DHRS12: variants seen among roughly 807,000 people sequenced by gnomAD.
DHRS12 encodes the protein dehydrogenase/reductase 12.
Under a neutral mutation model 32.1 loss-of-function variants are expected in DHRS12, and 29 were observed. The observed-to-expected ratio is 0.90, with a 90% CI of 0.67 to 1.23. The LOEUF (loss-of-function observed/expected upper bound fraction) is 1.23. DHRS12 is among the 50% of genes most tolerant of loss of function. DHRS12 has a pLI of 0.00. For synonymous variants in DHRS12, 150 were observed against 135.9 expected (o/e 1.10, Z -0.72); for missense variants, 330 against 337.2 (o/e 0.98, Z 0.17).
At chr13:51,771,644 G>T in intron 7 of DHRS12, 177 bp downstream of exon 7, 1 of 1,409,726 alleles carries the variant, frequency 7.1e-7, no homozygotes, top group Non-Finnish European at 9.7e-7. Context: ...CTCTGTGTCT[G>T]TATGAGGCTT....
Position 51,782,831 on chromosome 13 carries a change from C to T in DHRS12, c.302-5710G>A, listed in dbSNP as rs1028939700. Among the ~76,000 whole-genome samples, 1 of 152,188 alleles carries T rather than the reference C, an allele frequency of 6.6e-6. No individual in the cohort carries two copies. Among genetic ancestry groups the T allele is most frequent in the African/African-American group, 2.4e-5 (1 of 41,450 alleles). ...TTGGGATTGTGTTTCTAAAACTCCT[C>T]AAATGAATGTTTGTTACCAGCACAC... On this transcript the variant is annotated intron_variant, in intron 4 of 8. Coordinates refer to ENST00000444610, the MANE Select transcript of DHRS12 (RefSeq NM_001377533.1). The surrounding 1 kb of genome is among the most constrained non-coding windows in gnomAD (Gnocchi z 4.2).
the DHRS12 span, chr13:51,756,299 G>A: frequency 3.1e-5 from 49 of 1,596,468 alleles, no homozygotes; most frequent in Non-Finnish European, 3.8e-5. Context: ...TGAGGGAGCC[G>A]TGATGAGTAT....
chr13:51,764,221 A>C (rs1467677441), downstream of DHRS12: 1 of 152,214 alleles, frequency 6.6e-6, no homozygotes, highest in Non-Finnish European at 1.5e-5. Flanking sequence ...CTGGCAGTGC[A>C]AGGTGTCTGA....
chr13:51,787,480 G>A (rs2139217209), intron 4 of DHRS12, among the ~76,000 whole-genome samples: 1 of 151,730 alleles, frequency 6.6e-6, no homozygotes, highest in Non-Finnish European at 1.5e-5. Context: ...GATGGGGTGA[G>A]GGAGGACATG....
chr13:51,780,818 T>A (rs1954669972), intron 4 of DHRS12, among the ~76,000 whole-genome samples: 1 of 152,220 alleles, frequency 6.6e-6, no homozygotes, highest in African/African-American at 2.4e-5. Context: ...AAATTATATA[T>A]CTTGAGTATG....
At chr13:51,789,719 T>A in intron 4 of DHRS12, 1 of 985,424 alleles carries the variant, frequency 1.0e-6, no homozygotes, top group Non-Finnish European at 1.2e-6. Context: ...ACTCAACACT[T>A]AAGCTGAACT....
chr13:51,780,438 A>G (rs1392006498), intron 4 of DHRS12, among the ~76,000 whole-genome samples: 1 of 152,214 alleles, frequency 6.6e-6, no homozygotes, highest in Non-Finnish European at 1.5e-5. Context: ...AGGCACCTTC[A>G]GCTACTGGAA....
Position 51,782,197 on chromosome 13 carries a change from T to C in DHRS12, c.302-5076A>G, listed in dbSNP as rs546016420. Among the ~76,000 whole-genome samples, 16 of 152,148 alleles carry C rather than the reference T, an allele frequency of 1.1e-4. No homozygotes were observed. The highest frequency in any genetic ancestry group is 3.9e-4 in the African/African-American group (16 of 41,508). On this transcript the variant is annotated intron_variant, in intron 4 of 8. Coordinates refer to ENST00000444610, the MANE Select transcript of DHRS12 (RefSeq NM_001377533.1). The surrounding 1 kb of genome is among the most constrained non-coding windows in gnomAD (Gnocchi z 4.2). The stretch of plus-strand genomic sequence containing the variant: ...GTCTGAGGTGTTTGAGATCTGGACC[T>C]GGAACTCAGAAGAGAGATCTGGGCT...
At chr13:51,791,369 A>G (rs1054624759) in intron 2 of DHRS12, 112 bp from the exon 3 acceptor site, 2 of 591,534 alleles carry the variant, frequency 3.4e-6, no homozygotes, top group African/African-American at 1.9e-5. Flanking sequence ...GAAATGATAT[A>G]AAACGGAAAA....
chr13:51,759,915 C>G, the DHRS12 span: 1 of 783,402 alleles, frequency 1.3e-6, no homozygotes, highest in Non-Finnish European at 2.1e-6. Context: ...CCCATGTGCA[C>G]AGTGGGGACC....
downstream of DHRS12, chr13:51,767,293 G>A (rs1200216684): frequency 6.6e-6 from 1 of 152,246 alleles, no homozygotes; most frequent in African/African-American, 2.4e-5. Context: ...AGAAAAGGAG[G>A]CATGCAGTTA....
chr13:51,793,982 A>G (rs758849068), intron 2 of DHRS12, among the ~76,000 whole-genome samples: 11 of 152,244 alleles, frequency 7.2e-5, no homozygotes, highest in Non-Finnish European at 1.3e-4. Flanking sequence ...GTCCTAGACA[A>G]ATCAGCCACG....
chr13:51,793,957 G>A (rs948053218), intron 2 of DHRS12, among the ~76,000 whole-genome samples: 2 of 152,232 alleles, frequency 1.3e-5, no homozygotes, highest in Non-Finnish European at 2.9e-5. Flanking sequence ...CAATAGCAGG[G>A]AAGAGAGAAT....
chr13:51,754,999 C>T, the DHRS12 span, among the ~76,000 whole-genome samples: 1 of 152,188 alleles, frequency 6.6e-6, no homozygotes, highest in African/African-American at 2.4e-5. Context: ...CCAGCCATCC[C>T]CAGGTCTCAG....
the DHRS12 span, chr13:51,759,731 T>A: frequency 6.2e-7 from 1 of 1,613,868 alleles, no homozygotes; most frequent in Non-Finnish European, 8.5e-7. Context: ...CTTCTTTTTC[T>A]TTTTGCAGTT....
chr13:51,760,373 T>G, the DHRS12 span: 4 of 152,244 alleles, frequency 2.6e-5, no homozygotes, highest in African/African-American at 9.7e-5. Context: ...GCGATTTGTT[T>G]GTAATGTCTG....
intron 8 of DHRS12, chr13:51,768,576 C>T: frequency 7.8e-7 from 1 of 1,279,128 alleles, no homozygotes; most frequent in Non-Finnish European, 9.9e-7. Flanking sequence ...CCGGATACCC[C>T]AGGGGTCACC....
At chr13:51,768,357 C>A in intron 8 of DHRS12, 61 bp from the exon 9 acceptor site, 1 of 1,532,640 alleles carries the variant, frequency 6.5e-7, no homozygotes, top group Non-Finnish European at 8.7e-7. Flanking sequence ...GGGTCCATGT[C>A]CCTGTGCTGC....
At chr13:51,803,103 C>G (rs1374847514) in intron 1 of DHRS12, among the ~76,000 whole-genome samples, 1 of 152,232 alleles carries the variant, frequency 6.6e-6, no homozygotes, top group African/African-American at 2.4e-5. Context: ...CCATTCTCTG[C>G]AGCAGGGGCT....
Sources: gnomAD v4.1 joint callset for allele counts (sites outside exome capture counted in the v4.1 genomes callset) on GRCh38, gnomAD v4.1.1 for gene constraint, Gnocchi (gnomAD v3.1) non-coding constraint, MANE v1.5 for transcripts, NCBI Gene and HGNC (gene_info 2026-07-23, HGNC 2026-07-21) for gene names.